NUDCD1: variants seen among roughly 807,000 people sequenced by gnomAD.
The protein encoded by NUDCD1 is nudC domain-containing protein 1.
A neutral mutation model predicts 67.8 loss-of-function variants in NUDCD1; 60 were observed. The observed-to-expected ratio is 0.88, with a 90% CI of 0.72 to 1.10. The LOEUF (loss-of-function observed/expected upper bound fraction) is 1.10, where lower values mean the gene tolerates loss of function less well. Ranked by LOEUF, NUDCD1 falls within the 50% of genes least tolerant of loss-of-function variation. The probability of loss-of-function intolerance (pLI) is 0.00; values close to 1 mark genes in which losing one functional copy is unlikely to be tolerated. For synonymous variants in NUDCD1, 244 were observed against 230.8 expected (o/e 1.06, Z -0.52); for missense variants, 643 against 695.0 (o/e 0.93, Z 0.84).
chr8:109,332,791 AT>A (rs1815840902), intron 1 of NUDCD1, among the ~76,000 whole-genome samples: 1 of 152,198 alleles, frequency 6.6e-6, no homozygotes, highest in South Asian at 2.1e-4. Flanking sequence ...AAGGAAAAAA[AT>A]AAAAAGAAAA....
chr8:109,252,842 C>G (rs1408246597), intron 8 of NUDCD1, among the ~76,000 whole-genome samples: 1 of 152,144 alleles, frequency 6.6e-6, no homozygotes, highest in Non-Finnish European at 1.5e-5. Flanking sequence ...AATAATCCAG[C>G]ATTATTTTAT....
chr8:109,260,434 CA>C (rs2129912617), intron 8 of NUDCD1, among the ~76,000 whole-genome samples: 1 of 152,280 alleles, frequency 6.6e-6, no homozygotes, highest in Non-Finnish European at 1.5e-5. Flanking sequence ...CTCCTGGCCT[CA>C]AGTGATCCTC....
chr8:109,294,213 A>G (rs895803529), intron 3 of NUDCD1, among the ~76,000 whole-genome samples: 1 of 152,114 alleles, frequency 6.6e-6, no homozygotes, highest in African/African-American at 2.4e-5. Flanking sequence ...CCTAACTGAA[A>G]AAAAGGTAGC....
intron 4 of NUDCD1, among the ~76,000 whole-genome samples, chr8:109,290,566 T>C (rs76075561): frequency 0.076 from 11,531 of 152,238 alleles, 672 homozygotes; most frequent in South Asian, 0.22. Flanking sequence ...ATAGCAGAAA[T>C]GATTTTTTTT....
intron 6 of NUDCD1, among the ~76,000 whole-genome samples, chr8:109,276,949 C>G (rs1317369618): frequency 1.3e-5 from 2 of 152,072 alleles, no homozygotes; most frequent in African/African-American, 4.8e-5. Context: ...AGGTGTGAGC[C>G]ACCGTGCCCA....
intron 8 of NUDCD1, among the ~76,000 whole-genome samples, chr8:109,247,484 A>C (rs1049039360): frequency 2.6e-5 from 4 of 152,196 alleles, no homozygotes; most frequent in Non-Finnish European, 5.9e-5. Flanking sequence ...TGAAAATAAG[A>C]GGATAAGAAT....
chr8:109,312,988 C>G, intron 2 of NUDCD1, among the ~76,000 whole-genome samples: 1 of 152,302 alleles, frequency 6.6e-6, no homozygotes, highest in Admixed American at 6.5e-5. Context: ...AGTCTTCCCT[C>G]CTTCTAGGTA....
intron 2 of NUDCD1, among the ~76,000 whole-genome samples, chr8:109,319,817 T>A (rs570375057): frequency 6.6e-6 from 1 of 152,314 alleles, no homozygotes; most frequent in Non-Finnish European, 1.5e-5. Context: ...GCCCCAATAT[T>A]CACCTAGGTT....
At chr8:109,257,766 T>C (rs1337808572) in intron 8 of NUDCD1, among the ~76,000 whole-genome samples, 2 of 152,142 alleles carry the variant, frequency 1.3e-5, no homozygotes. Context: ...CTAAAGGTCA[T>C]ACAGTCTTTG....
chr8:109,279,686 C>T lies in NUDCD1; in HGVS notation c.1028+1282G>A, dbSNP rs986443952. On this transcript the variant is annotated intron_variant, in intron 6 of 9. Transcript: ENST00000239690. ...TAGTTTCACTCTTATTGCCCAGGGC[C>T]GGAAAGCAATGGCCTGGTCTCGGAA... is the stretch of plus-strand genomic sequence containing the variant. Among the ~76,000 whole-genome samples, 9 of 152,056 alleles carry T rather than the reference C, an allele frequency of 5.9e-5. 1 individual carries two copies. In the South Asian group the frequency reaches 1.7e-3, roughly 28 times the overall value.
intron 6 of NUDCD1, among the ~76,000 whole-genome samples, chr8:109,278,075 A>G (rs141700683): frequency 4.6e-5 from 7 of 152,312 alleles, no homozygotes; most frequent in Admixed American, 4.6e-4. Context: ...ATTAAGAACT[A>G]TACTTTGTGT....
At chr8:109,317,883 T>A (rs1815437301) in intron 2 of NUDCD1, among the ~76,000 whole-genome samples, 1 of 152,184 alleles carries the variant, frequency 6.6e-6, no homozygotes, top group African/African-American at 2.4e-5. Context: ...GCCAAGGATA[T>A]ATGGAGACTG....
chr8:109,254,351 T>C (rs1813682275), intron 8 of NUDCD1, among the ~76,000 whole-genome samples: 1 of 152,204 alleles, frequency 6.6e-6, no homozygotes, highest in African/African-American at 2.4e-5. Context: ...TGTAAGATGT[T>C]GGGCAAATAA....
intron 8 of NUDCD1, among the ~76,000 whole-genome samples, chr8:109,269,201 A>G (rs1414032998): frequency 6.6e-6 from 1 of 152,202 alleles, no homozygotes; most frequent in Non-Finnish European, 1.5e-5. Context: ...AATGTCATAC[A>G]TGTGCTTTTT....
In NUDCD1 at chr8:109,262,952, G is replaced by A. The variant is rs185980581; in HGVS notation, c.1299+8053C>T. Among the ~76,000 whole-genome samples, 27 of 150,550 alleles carry A rather than the reference G, an allele frequency of 1.8e-4. 1 individual carries two copies. The highest frequency in any genetic ancestry group is 4.4e-5 in the Non-Finnish European group (3 of 67,778). ...CACCTGTAATCCCAGCTACTCAGGA[G>A]GCTGAGGCAGGAGAATCGCTTGAAC... On this transcript the variant is annotated intron_variant, in intron 8 of 9. Coordinates refer to ENST00000239690, the MANE Select transcript of NUDCD1 (RefSeq NM_032869.4).
chr8:109,319,545 A>C (rs1815482784), intron 2 of NUDCD1, among the ~76,000 whole-genome samples: 2 of 152,334 alleles, frequency 1.3e-5, no homozygotes, highest in Middle Eastern at 6.8e-3. Context: ...CTAGATGACA[A>C]AATGGTTACC....
intron 8 of NUDCD1, among the ~76,000 whole-genome samples, chr8:109,250,617 A>G (rs939700651): frequency 6.6e-6 from 1 of 152,182 alleles, no homozygotes; most frequent in Non-Finnish European, 1.5e-5. Context: ...TGTTAACTCT[A>G]GGGTTTCTGA....
At chr8:109,331,515 C>CAAAAA (rs59203626) in intron 1 of NUDCD1, among the ~76,000 whole-genome samples, 12 of 65,876 alleles carry the variant, frequency 1.8e-4, no homozygotes, top group African/African-American at 6.2e-4. Context: ...GACTCAGACT[C>CAAAAA]AAAAAAAAAA....
intron 4 of NUDCD1, among the ~76,000 whole-genome samples, chr8:109,291,226 G>A (rs1238821703): frequency 6.6e-6 from 1 of 152,156 alleles, no homozygotes; most frequent in Non-Finnish European, 1.5e-5. Context: ...CACGATCACT[G>A]CTCACTGTAG....
Sources: gnomAD v4.1 joint callset for allele counts (sites outside exome capture counted in the v4.1 genomes callset) on GRCh38, gnomAD v4.1.1 for gene constraint, MANE v1.5 for transcripts, NCBI Gene and HGNC (gene_info 2026-07-23, HGNC 2026-07-21) for gene names.